The following HBQ1 variants were observed in gnomAD, a reference collection of about 807,000 sequenced individuals.
HBQ1 encodes hemoglobin subunit theta-1.
HBQ1 carries 9 observed loss-of-function variants against 8.2 expected under a neutral mutation model. The ratio of observed to expected loss-of-function variants is 1.10; its 90% CI spans 0.66 to 1.92. The LOEUF is 1.92. Ranked by LOEUF, HBQ1 falls within the 40% of genes most tolerant of loss-of-function variation. The pLI is 0.00. For missense variants in HBQ1, 216 were observed against 189.3 expected (o/e 1.14, Z -0.83); for synonymous variants, 102 against 100.0 (o/e 1.02, Z -0.12).
rs2048880425 is a variant in HBQ1 at position 181,155 on chromosome 16, T to C, written c.*47T>C. ...GATCCCCAGGCGACCTTCCCCGTGT[T>C]TGAGTAAAGCCTCTCCCAGGAGCAG... On this transcript the variant is annotated 3_prime_UTR_variant, in exon 3 of 3. Transcript: ENST00000199708. 3.1e-6 allele frequency: 5 copies of C among 1,606,874 alleles called. No individual in the cohort carries two copies. The highest frequency in any genetic ancestry group is 3.4e-6 in the Non-Finnish European group (4 of 1,175,518).
In HBQ1 at chr16:180,704, C is replaced by A; in HGVS notation, c.134C>A (p.Ser45Tyr). 1 of 1,596,430 alleles carries A rather than the reference C, an allele frequency of 6.3e-7. No homozygotes were observed. The highest frequency in any genetic ancestry group is 8.5e-7 in the Non-Finnish European group (1 of 1,173,410). The change falls in exon 2 of 3, where the codon TCC becomes TAC. Residue 45 changes from serine to tyrosine, a missense_variant. Physicochemically the swap from Ser to Tyr is moderately radical, Grantham distance 144. Coordinates refer to ENST00000199708, the MANE Select transcript of HBQ1 (RefSeq NM_005331.5). The stretch of plus-strand genomic sequence containing the variant: ...TTCCCCGCCACGAAGACCTACTTCT[C>A]CCACCTGGACCTGAGCCCCGGCTCC... The part of the protein sequence containing the change: ...LAFPATKTYF[S>Y]HLDLSPGSSQ...
chr16:180,818 C>T lies in HBQ1; in HGVS notation c.248C>T (p.Ala83Val), dbSNP rs80294025. 2,892 of 1,552,320 alleles carry T rather than the reference C, an allele frequency of 1.9e-3. 58 individuals are homozygous for T. In the African/African-American group the frequency reaches 0.035, roughly 19 times the overall value. Residue 83 changes from alanine (A) to valine (V), a missense_variant, in exon 2 of 3, where the codon GCG (alanine) becomes GTG (valine). Transcript: ENST00000199708. ...GACGACCTACCCCACGCGCTGTCCG[C>T]GCTGAGCCACCTGCACGCGTGCCAG... ...RLDDLPHALSALSHLHACQLR... is the reference protein window; with the variant it reads ...RLDDLPHALSVLSHLHACQLR...
At position 181,100 on chromosome 16, in the gene HBQ1, T is replaced by A; in HGVS notation, c.421T>A (p.Tyr141Asn). ...CGTTATCTCGGCGCTGGTTTCCGAG[T>A]ACCGCTGAACTGTGGGTGGGTGGCC... ...SHVISALVSE[Y>N]R is the part of the protein sequence containing the mutation. The change falls in exon 3 of 3, where the codon TAC becomes AAC. Residue 141 changes from tyrosine (Y) to asparagine (N), a missense_variant. Coordinates refer to ENST00000199708, the MANE Select transcript of HBQ1 (RefSeq NM_005331.5). The A allele has an allele frequency of 6.2e-7, 1 of 1,613,256 alleles. No individual in the cohort carries two copies. Among genetic ancestry groups the A allele is most frequent in the South Asian group, 1.1e-5 (1 of 90,928 alleles).
chr16:180,926 G>T (rs1035063860), intron 2 of HBQ1, 54 bp from the exon 3 acceptor site: 4 of 1,513,964 alleles, frequency 2.6e-6, no homozygotes, highest in Non-Finnish European at 3.5e-6. Context: ...CGGGGTGGGT[G>T]CGGGGGGCGT....
At position 180,793 on chromosome 16, in the gene HBQ1, G is replaced by A. The variant is rs988218978; in HGVS notation, c.223G>A (p.Asp75Asn). The change falls in exon 2 of 3, where the codon GAC becomes AAC. Residue 75 changes from aspartate to asparagine, a missense_variant. Coordinates refer to ENST00000199708, the MANE Select transcript of HBQ1 (RefSeq NM_005331.5). ...DALSLAVERL[D>N]DLPHALSALS... ...GCTGAGCCTCGCCGTGGAGCGCCTG[G>A]ACGACCTACCCCACGCGCTGTCCGC... 1.3e-6 allele frequency: 2 copies of A among 1,563,668 alleles called. No individual in the cohort carries two copies. Among genetic ancestry groups the A allele is most frequent in the Non-Finnish European group, 1.7e-6 (2 of 1,157,878 alleles).
In HBQ1 at chr16:180,964, T is replaced by TG. The variant is rs774460305; in HGVS notation, c.301-15dup. 3.3e-5 allele frequency: 53 copies of TG among 1,591,638 alleles called. No individual in the cohort carries two copies. Among genetic ancestry groups the TG allele is most frequent in the Non-Finnish European group, 4.4e-5 (51 of 1,170,200 alleles). On this transcript the variant is annotated splice_polypyrimidine_tract_variant and intron_variant, in intron 2 of 2. Coordinates refer to ENST00000199708, the MANE Select transcript of HBQ1 (RefSeq NM_005331.5). ...GGGGCGGGTGCAGGCGAGTGAGCCT[T>TG]GAGCGCTCGCCGCAGCTCCTGGGCC... is the stretch of plus-strand genomic sequence containing the variant.
Position 180,477 on chromosome 16 carries a change from C to CAGCGCGGGGAT in HBQ1, c.-9_2dup. Reference sequence around the variant, plus strand: ...CGGGGTCGCAGGGCGCGGCGGGTTCCAGCGCGGGGATGGCGCTGTCCGCGG... The same window carrying CAGCGCGGGGAT: ...CGGGGTCGCAGGGCGCGGCGGGTTCCAGCGCGGGGATAGCGCGGGGATGGCGCTGTCCGCGG... On this transcript the variant is annotated 5_prime_UTR_variant, in exon 1 of 3. Transcript: ENST00000199708. 6.7e-7 allele frequency: 1 copy of CAGCGCGGGGAT among 1,483,554 alleles called. No individual in the cohort carries two copies. Among genetic ancestry groups the CAGCGCGGGGAT allele is most frequent in the Non-Finnish European group, 8.9e-7 (1 of 1,122,028 alleles). The allele number at this position is 1,483,554 out of a possible 1,614,324, so 91.9% of individuals were successfully genotyped here.
At position 180,765 on chromosome 16, in the gene HBQ1, C is replaced by A. The variant is rs762914485; in HGVS notation, c.195C>A (p.Asp65Glu). 6.3e-7 allele frequency: 1 copy of A among 1,576,664 alleles called. No individual in the cohort carries two copies. Among genetic ancestry groups the A allele is most frequent in the South Asian group, 1.1e-5 (1 of 87,224 alleles). Residue 65 changes from aspartate (D) to glutamate (E), a missense_variant, in exon 2 of 3, where the codon GAC (aspartate) becomes GAA (glutamate). Physicochemically the swap from Asp to Glu is conservative, Grantham distance 45 (BLOSUM62 2). Transcript: ENST00000199708. ...QVRAHGQKVA[D>E]ALSLAVERLD... Reference sequence around the variant, plus strand: ...GAGCCCACGGCCAGAAGGTGGCGGACGCGCTGAGCCTCGCCGTGGAGCGCC... The same window carrying A: ...GAGCCCACGGCCAGAAGGTGGCGGAAGCGCTGAGCCTCGCCGTGGAGCGCC...
At position 181,104 on chromosome 16, in the gene HBQ1, G is replaced by A; in HGVS notation, c.425G>A (p.Arg142His). 3.1e-6 allele frequency: 5 copies of A among 1,612,874 alleles called. No homozygotes were observed. The highest frequency in any genetic ancestry group is 4.2e-6 in the Non-Finnish European group (5 of 1,179,736). Residue 142 changes from arginine to histidine, a missense_variant, in exon 3 of 3, where the codon CGC (arginine) becomes CAC (histidine). Coordinates refer to ENST00000199708, the MANE Select transcript of HBQ1 (RefSeq NM_005331.5). ...ATCTCGGCGCTGGTTTCCGAGTACC[G>A]CTGAACTGTGGGTGGGTGGCCGCGG... is the stretch of plus-strand genomic sequence containing the variant. ...HVISALVSEY[R>H]
Position 181,173 on chromosome 16 carries a change from A to G in HBQ1, c.*65A>G, listed in dbSNP as rs2048880535. 2 of 1,576,334 alleles carry G rather than the reference A, an allele frequency of 1.3e-6. No individual in the cohort carries two copies. The highest frequency in any genetic ancestry group is 1.7e-6 in the Non-Finnish European group (2 of 1,151,068). ...CCCGTGTTTGAGTAAAGCCTCTCCC[A>G]GGAGCAGCCTTCTTGCCGTGCTCTC... On this transcript the variant is annotated 3_prime_UTR_variant, in exon 3 of 3. Coordinates refer to ENST00000199708, the MANE Select transcript of HBQ1 (RefSeq NM_005331.5).
In HBQ1 at chr16:180,517, G is replaced by C; in HGVS notation, c.31G>C (p.Val11Leu). The C allele has an allele frequency of 6.5e-7, 1 of 1,535,124 alleles. No individual in the cohort carries two copies. The highest frequency in any genetic ancestry group is 2.5e-5 in the East Asian group (1 of 40,398). Residue 11 changes from valine to leucine, a missense_variant, in exon 1 of 3, where the codon GTG becomes CTG. Val to Leu is a conservative substitution (Grantham distance 32). Transcript: ENST00000199708. MALSAEDRALVRALWKKLGSN... is the reference protein window; with the variant it reads MALSAEDRALLRALWKKLGSN... ...GCTGTCCGCGGAGGACCGGGCGCTG[G>C]TGCGCGCCCTGTGGAAGAAGCTGGG...
At chr16:180,628 A>G (rs771806135) in intron 1 of HBQ1, 38 bp from the exon 2 acceptor site, 1 of 1,529,726 alleles carries the variant, frequency 6.5e-7, no homozygotes. Flanking sequence ...TCCCTCCCCA[A>G]GCCCCCCGGA....
At position 181,110 on chromosome 16, in the gene HBQ1, C is replaced by G; in HGVS notation, c.*2C>G. On this transcript the variant is annotated 3_prime_UTR_variant, in exon 3 of 3. Transcript: ENST00000199708. Reference sequence around the variant, plus strand: ...GCGCTGGTTTCCGAGTACCGCTGAACTGTGGGTGGGTGGCCGCGGGATCCC... The same window carrying G: ...GCGCTGGTTTCCGAGTACCGCTGAAGTGTGGGTGGGTGGCCGCGGGATCCC... 1 of 1,612,772 alleles carries G rather than the reference C, an allele frequency of 6.2e-7. No homozygotes were observed. Among genetic ancestry groups the G allele is most frequent in the South Asian group, 1.1e-5 (1 of 90,784 alleles).
At position 181,150 on chromosome 16, in the gene HBQ1, C is replaced by G. The variant is rs111543239; in HGVS notation, c.*42C>G. ...CGCGGGATCCCCAGGCGACCTTCCCCGTGTTTGAGTAAAGCCTCTCCCAGG... is the reference window on the plus strand; with the variant it reads ...CGCGGGATCCCCAGGCGACCTTCCCGGTGTTTGAGTAAAGCCTCTCCCAGG... On this transcript the variant is annotated 3_prime_UTR_variant, in exon 3 of 3. Coordinates refer to ENST00000199708, the MANE Select transcript of HBQ1 (RefSeq NM_005331.5). 5.0e-6 allele frequency: 8 copies of G among 1,608,506 alleles called. No individual in the cohort carries two copies. Among genetic ancestry groups the G allele is most frequent in the African/African-American group, 1.3e-5 (1 of 74,760 alleles).
In HBQ1 at chr16:180,587, G is replaced by C. The variant is rs2142023564; in HGVS notation, c.95+6G>C. 1 of 1,539,012 alleles carries C rather than the reference G, an allele frequency of 6.5e-7. No individual in the cohort carries two copies. On this transcript the variant is annotated splice_donor_region_variant and intron_variant, in intron 1 of 2. Transcript: ENST00000199708. ...ACGACAGAGGCCCTGGAAAGGTGCG[G>C]CAGGCTGGGCGCCCCCGCCCCCAGG...
In HBQ1 at chr16:180,752, A is replaced by G; in HGVS notation, c.182A>G (p.Gln61Arg). Residue 61 changes from glutamine to arginine, a missense_variant, in exon 2 of 3, where the codon CAG becomes CGG. By Grantham distance (43) the Gln-to-Arg change is conservative. Transcript: ENST00000199708. ...TCCTCACAAGTCAGAGCCCACGGCC[A>G]GAAGGTGGCGGACGCGCTGAGCCTC... ...PGSSQVRAHGQKVADALSLAV... is the reference protein window; with the variant it reads ...PGSSQVRAHGRKVADALSLAV... 1 of 1,586,124 alleles carries G rather than the reference A, an allele frequency of 6.3e-7. No individual in the cohort carries two copies. The highest frequency in any genetic ancestry group is 8.6e-7 in the Non-Finnish European group (1 of 1,168,038).
rs867998291 is a variant in HBQ1, at chr16:180,706, C to G, written c.136C>G (p.His46Asp). ...AFPATKTYFS[H>D]LDLSPGSSQV... ...CCCCGCCACGAAGACCTACTTCTCC[C>G]ACCTGGACCTGAGCCCCGGCTCCTC... is the stretch of plus-strand genomic sequence containing the variant. The change falls in exon 2 of 3, where the codon CAC (histidine) becomes GAC (aspartate). Residue 46 changes from histidine to aspartate, a missense_variant. By Grantham distance (81) the His-to-Asp change is moderately conservative. Transcript: ENST00000199708. The G allele has an allele frequency of 6.3e-7, 1 of 1,597,138 alleles. No homozygotes were observed.
rs778280215 is a variant in HBQ1, at chr16:180,839, G to C, written c.269G>C (p.Cys90Ser). ...TCCGCGCTGAGCCACCTGCACGCGT[G>C]CCAGCTGCGAGTGGACCCGGCCAGC... ...ALSALSHLHA[C>S]QLRVDPASFQ... Residue 90 changes from cysteine to serine, a missense_variant, in exon 2 of 3, where the codon TGC becomes TCC. Physicochemically the swap from Cys to Ser is moderately radical, Grantham distance 112 (BLOSUM62 -1). Coordinates refer to ENST00000199708, the MANE Select transcript of HBQ1 (RefSeq NM_005331.5). 7.4e-5 allele frequency: 115 copies of C among 1,544,134 alleles called. No homozygotes were observed. The African/African-American group carries it at 1.3e-3, about 17-fold the overall frequency.
chr16:181,049 G>A lies in HBQ1; in HGVS notation c.370G>A (p.Ala124Thr). 1 of 1,613,296 alleles carries A rather than the reference G, an allele frequency of 6.2e-7. No individual in the cohort carries two copies. Residue 124 changes from alanine to threonine, a missense_variant, in exon 3 of 3, where the codon GCG becomes ACG. Transcript: ENST00000199708. The stretch of plus-strand genomic sequence containing the variant: ...CGGAGACTTCAGCCCCGCGCTGCAG[G>A]CGTCGCTGGACAAGTTCCTGAGCCA... Reference protein sequence around the residue: ...YPGDFSPALQASLDKFLSHVI... With the variant: ...YPGDFSPALQTSLDKFLSHVI...
Sources: gnomAD v4.1 joint callset for allele counts on GRCh38, gnomAD v4.1.1 for gene constraint, MANE v1.5 for transcripts, NCBI Gene and HGNC (gene_info 2026-07-23, HGNC 2026-07-21) for gene names.